The following CNTN5 variants were observed in gnomAD, a reference collection of about 807,000 sequenced individuals.
The protein encoded by CNTN5 is contactin-5.
Under a neutral mutation model 129.1 loss-of-function variants are expected in CNTN5, and 77 were observed. The observed-to-expected ratio is 0.60, with a 90% CI of 0.50 to 0.72. The LOEUF is 0.72. Among genes scored for constraint, CNTN5 ranks in the 30% least tolerant of loss-of-function variants. The pLI is 0.00. For missense variants in CNTN5, 1,478 were observed against 1,328.8 expected, an observed-to-expected ratio of 1.11 and a Z score of -1.75; for synonymous variants, 509 against 465.6, an observed-to-expected ratio of 1.09 and a Z score of -1.20.
At position 99,863,119 on chromosome 11, in the gene CNTN5, G is replaced by T. The variant is rs992932867; in HGVS notation, c.577+17857G>T. Among the ~76,000 whole-genome samples the T allele has an allele frequency of 2.6e-5, 4 of 152,210 alleles. No homozygotes were observed. The East Asian group carries it at 7.7e-4, about 29-fold the overall frequency. Reference sequence around the variant, plus strand: ...GCTGTTGGCCTTCTGTTGTGTTAGAGAAAATAATATCTATCCTATTTATGG... The same window carrying T: ...GCTGTTGGCCTTCTGTTGTGTTAGATAAAATAATATCTATCCTATTTATGG... On this transcript the variant is annotated intron_variant, in intron 6 of 24. Coordinates refer to ENST00000524871, the MANE Select transcript of CNTN5 (RefSeq NM_014361.4).
chr11:99,985,264 C>A (rs1219807134), intron 8 of CNTN5, among the ~76,000 whole-genome samples: 1 of 152,020 alleles, frequency 6.6e-6, no homozygotes, highest in African/African-American at 2.4e-5. Flanking sequence ...TGAAGGATGG[C>A]AAAAGTGGAT....
At chr11:100,335,341 A>T (rs915983936) in intron 21 of CNTN5, among the ~76,000 whole-genome samples, 7 of 152,218 alleles carry the variant, frequency 4.6e-5, no homozygotes, top group African/African-American at 7.2e-5. Flanking sequence ...TTATAACTTC[A>T]TGTAAGGAAA....
chr11:99,720,081 T>C (rs1943120274), intron 3 of CNTN5, among the ~76,000 whole-genome samples: 1 of 152,088 alleles, frequency 6.6e-6, no homozygotes. Flanking sequence ...GATGAGTTCA[T>C]AGCTGAATTC....
intron 3 of CNTN5, among the ~76,000 whole-genome samples, chr11:99,695,381 T>G (rs1179896045): frequency 6.6e-6 from 1 of 152,054 alleles, no homozygotes; most frequent in Non-Finnish European, 1.5e-5. Context: ...AATGTCTGAA[T>G]TAGATCCATG....
chr11:100,320,593 C>T (rs1951670686), intron 21 of CNTN5, among the ~76,000 whole-genome samples: 1 of 151,706 alleles, frequency 6.6e-6, no homozygotes, highest in Non-Finnish European at 1.5e-5. Flanking sequence ...CTTTTGTTGC[C>T]TGTGGTTTTT....
intron 20 of CNTN5, among the ~76,000 whole-genome samples, chr11:100,307,963 G>T (rs1285599349): frequency 6.6e-6 from 1 of 151,550 alleles, no homozygotes; most frequent in Non-Finnish European, 1.5e-5. Flanking sequence ...TTACCCAAAG[G>T]TAAATAAATA....
At chr11:100,136,323 T>C (rs754326598) in intron 13 of CNTN5, among the ~76,000 whole-genome samples, 1 of 152,102 alleles carries the variant, frequency 6.6e-6, no homozygotes, top group Non-Finnish European at 1.5e-5. Context: ...GGCAGTGGCA[T>C]TTTTACATCT....
intron 21 of CNTN5, among the ~76,000 whole-genome samples, chr11:100,334,500 T>C (rs1951984813): frequency 6.6e-6 from 1 of 152,116 alleles, no homozygotes; most frequent in South Asian, 2.1e-4. Flanking sequence ...GCAGCACAAT[T>C]TGAGATTGCA....
At chr11:99,253,526 G>A (rs73000230) in intron 1 of CNTN5, among the ~76,000 whole-genome samples, 24,823 of 151,728 alleles carry the variant, frequency 0.16, 2,332 homozygotes, top group African/African-American at 0.24. Flanking sequence ...ACTTCTATGT[G>A]CATTTTAAGA....
chr11:99,486,972 G>T (rs920024079), intron 2 of CNTN5, among the ~76,000 whole-genome samples: 2 of 152,182 alleles, frequency 1.3e-5, no homozygotes, highest in East Asian at 1.9e-4. Flanking sequence ...CATAGGAACT[G>T]CATCTGTCTT....
At chr11:99,154,942 A>C (rs1860259663) in intron 1 of CNTN5, among the ~76,000 whole-genome samples, 1 of 152,170 alleles carries the variant, frequency 6.6e-6, no homozygotes, top group African/African-American at 2.4e-5. Flanking sequence ...GCTCCACTAC[A>C]GACGGTCCTG....
At chr11:100,315,222 T>C (rs1951553352) in intron 21 of CNTN5, among the ~76,000 whole-genome samples, 1 of 152,202 alleles carries the variant, frequency 6.6e-6, no homozygotes, top group African/African-American at 2.4e-5. Context: ...CTACTTACAC[T>C]TGGCATTTTG....
At chr11:99,795,271 A>C (rs772304197) in intron 3 of CNTN5, among the ~76,000 whole-genome samples, 2 of 152,214 alleles carry the variant, frequency 1.3e-5, no homozygotes, top group Non-Finnish European at 2.9e-5. Context: ...CAGCTCTAGC[A>C]GATCAGTTTG....
rs186060752 is a variant in CNTN5 at position 99,070,710 on chromosome 11, T to C, written c.-210+49440T>C. Among the ~76,000 whole-genome samples, 5 of 144,370 alleles carry C rather than the reference T, an allele frequency of 3.5e-5. No homozygotes were observed. The East Asian group carries it at 1.1e-3, about 31-fold the overall frequency. The allele number at this position is 144,370 out of a possible 152,430, so 94.7% of individuals were successfully genotyped here. ...TATTTTACAGATCAAGGTATACCAA[T>C]GGTTTTAAAATAACTTTTTTTTTTT... On this transcript the variant is annotated intron_variant, in intron 1 of 24. Transcript: ENST00000524871.
rs541927357 is a variant in CNTN5, at chr11:99,025,894, T to C, written c.-210+4624T>C. 2.0e-5 allele frequency among the ~76,000 whole-genome samples: 3 copies of C among 151,818 alleles called. No homozygotes were observed. In the East Asian group the frequency reaches 5.8e-4, roughly 29 times the overall value. On this transcript the variant is annotated intron_variant, in intron 1 of 24. Transcript: ENST00000524871. Reference sequence around the variant, plus strand: ...TTTTTTTCTGAAATTAAACGAAATATAAAGGCAATACTCAAGAATTTAGAA... The same window carrying C: ...TTTTTTTCTGAAATTAAACGAAATACAAAGGCAATACTCAAGAATTTAGAA...
chr11:100,070,266 G>T (rs1037577302), intron 10 of CNTN5, 158 bp from the exon 11 acceptor site: 2 of 576,312 alleles, frequency 3.5e-6, no homozygotes, highest in Non-Finnish European at 5.6e-6. Context: ...ACAGGAAATA[G>T]AATTTTGTGT....
intron 3 of CNTN5, among the ~76,000 whole-genome samples, chr11:99,777,758 G>C (rs1467502352): frequency 6.6e-6 from 1 of 151,676 alleles, no homozygotes; most frequent in Non-Finnish European, 1.5e-5. Context: ...TTCAAATTGA[G>C]TAACAATAAT....
At chr11:100,145,245 C>T (rs183855080) in intron 13 of CNTN5, among the ~76,000 whole-genome samples, 9 of 152,212 alleles carry the variant, frequency 5.9e-5, no homozygotes, top group Admixed American at 2.6e-4. Context: ...TAACACCAAA[C>T]GAGTATTAGC....
At chr11:99,903,306 T>C (rs1328367789) in intron 6 of CNTN5, among the ~76,000 whole-genome samples, 1 of 151,566 alleles carries the variant, frequency 6.6e-6, no homozygotes, top group Non-Finnish European at 1.5e-5. Context: ...GGTATAACCA[T>C]AACCAAAACC....
Sources: allele counts gnomAD v4.1 joint callset (sites outside exome capture counted in the v4.1 genomes callset), GRCh38; gene constraint gnomAD v4.1.1; transcripts MANE v1.5; gene names NCBI Gene and HGNC (gene_info 2026-07-23, HGNC 2026-07-21).